XYLB: variants seen among roughly 807,000 people sequenced by gnomAD.
XYLB encodes the protein xylulokinase, also known as xylulose kinase.
In XYLB, 62 loss-of-function variants were observed where a neutral mutation model predicts 78.7. The ratio of observed to expected loss-of-function variants is 0.79; its 90% CI spans 0.64 to 0.97. The LOEUF is 0.97. XYLB is among the 50% of genes least tolerant of loss of function. XYLB has a pLI of 0.00. For missense variants in XYLB, 687 were observed against 676.8 expected (o/e 1.02, Z -0.17); for synonymous variants, 245 against 247.4 (o/e 0.99, Z 0.09).
chr3:38,387,537 A>AT (rs1553657843), intron 15 of XYLB, among the ~76,000 whole-genome samples: 5 of 150,572 alleles, frequency 3.3e-5, no homozygotes, highest in Admixed American at 2.6e-4. Context: ...CATCTGGCTA[A>AT]TTTTTTGTAT....
At chr3:38,347,675 C>CAA (rs781130225) in intron 1 of XYLB, among the ~76,000 whole-genome samples, 32 of 138,022 alleles carry the variant, frequency 2.3e-4, no homozygotes, top group African/African-American at 8.3e-4. Flanking sequence ...GACCCTGTCT[C>CAA]AAAAAAAAAA....
At chr3:38,388,795 T>G (rs914839926) in intron 15 of XYLB, among the ~76,000 whole-genome samples, 7 of 152,208 alleles carry the variant, frequency 4.6e-5, no homozygotes, top group African/African-American at 1.7e-4. Flanking sequence ...ATTCTTTTAA[T>G]TAGGGCTTAA....
chr3:38,444,801 CCCCCA>C, the XYLB span, among the ~76,000 whole-genome samples: 1 of 152,070 alleles, frequency 6.6e-6, no homozygotes, highest in African/African-American at 2.4e-5. Flanking sequence ...TGCCCATGCC[CCCCCA>C]CCCCTGGCCT....
At position 38,365,218 on chromosome 3, in the gene XYLB, G is replaced by A. The variant is rs762298727; in HGVS notation, c.311G>A (p.Trp104Ter). Residue 104 changes from tryptophan (W) to a stop codon, truncating the protein, a stop_gained, in exon 5 of 19, where the codon TGG (tryptophan) becomes TAG (stop). Transcript: ENST00000207870. LOFTEE classifies it high-confidence loss of function. The stretch of plus-strand genomic sequence containing the variant: ...CAACAGCAACACGGAAGTATATACT[G>A]GAAGGCTGGAGCCCAGCAGGCACTG... ...GAGQQHGSIY[W>*]KAGAQQALTS... is the part of the protein sequence containing the mutation. The A allele has an allele frequency of 6.2e-7, 1 of 1,614,234 alleles. No homozygotes were observed. Among genetic ancestry groups the A allele is most frequent in the Non-Finnish European group, 8.5e-7 (1 of 1,180,040 alleles).
At chr3:38,362,894 A>G (rs1346098168) in intron 3 of XYLB, 43 bp from the exon 4 acceptor site, 2 of 1,427,558 alleles carry the variant, frequency 1.4e-6, no homozygotes, top group Non-Finnish European at 1.9e-6. Context: ...TGTCTGATTC[A>G]GTGGTTCTGT....
chr3:38,385,267 G>A (rs536389886), intron 15 of XYLB, among the ~76,000 whole-genome samples: 28 of 152,226 alleles, frequency 1.8e-4, no homozygotes, highest in African/African-American at 6.5e-4. Context: ...CCAAAGTGCT[G>A]GGATTGTAAC....
intron 18 of XYLB, among the ~76,000 whole-genome samples, chr3:38,412,725 T>G (rs1469719502): frequency 6.6e-6 from 1 of 152,178 alleles, no homozygotes; most frequent in Non-Finnish European, 1.5e-5. Context: ...AAAAATTGGT[T>G]TCTTGTCATA....
At chr3:38,406,647 T>C (rs1433242563) in intron 18 of XYLB, among the ~76,000 whole-genome samples, 4 of 151,996 alleles carry the variant, frequency 2.6e-5, no homozygotes, top group African/African-American at 7.3e-5. Context: ...AAAATTTAGA[T>C]GAATGTATAA....
chr3:38,348,747 G>A (rs1559566467), intron 2 of XYLB, 115 bp downstream of exon 2: 4 of 892,310 alleles, frequency 4.5e-6, no homozygotes, highest in South Asian at 4.2e-5. Flanking sequence ...AGGAGTGGTG[G>A]TCTCGGCAGA....
At chr3:38,356,346 T>C (rs76160167) in intron 2 of XYLB, 3,547 of 152,916 alleles carry the variant, frequency 0.023, 138 homozygotes, top group African/African-American at 0.08. Flanking sequence ...ATTTGATGGT[T>C]TTAGTATATT....
chr3:38,388,249 G>A (rs940730989), intron 15 of XYLB, among the ~76,000 whole-genome samples: 17 of 150,270 alleles, frequency 1.1e-4, no homozygotes, highest in African/African-American at 3.7e-4. Context: ...GCTGGGTTGC[G>A]GAGATGTCGG....
At chr3:38,377,943 G>T (rs1005943791) in intron 14 of XYLB, among the ~76,000 whole-genome samples, 4 of 152,164 alleles carry the variant, frequency 2.6e-5, no homozygotes, top group African/African-American at 9.7e-5. Flanking sequence ...GGATTTAGTT[G>T]GTTCTTGCTC....
chr3:38,351,261 G>A (rs148849288), intron 2 of XYLB, among the ~76,000 whole-genome samples: 8 of 145,358 alleles, frequency 5.5e-5, no homozygotes, highest in African/African-American at 1.8e-4. Context: ...TTGATTTCTA[G>A]TTTAATTTCA....
chr3:38,379,738 C>T (rs1707056174), intron 15 of XYLB, among the ~76,000 whole-genome samples: 1 of 152,196 alleles, frequency 6.6e-6, no homozygotes, highest in Non-Finnish European at 1.5e-5. Context: ...GGCCAGGTCC[C>T]ATTGCCTGTG....
At position 38,412,847 on chromosome 3, in the gene XYLB, G is replaced by T. The variant is rs946827455; in HGVS notation, c.1534-89G>T. 4 of 1,131,528 alleles carry T rather than the reference G, an allele frequency of 3.5e-6. No homozygotes were observed. In the Admixed American group the frequency reaches 1.0e-4, roughly 29 times the overall value. 70.1% of individuals were successfully genotyped at this position (1,131,528 alleles called of 1,614,324 possible). ...AAAAAAAGTTAAATTGCAAGTAAAC[G>T]GGATTTAAAAATTTTAAATTGCAAA... On this transcript the variant is annotated intron_variant, in intron 18 of 18. Coordinates refer to ENST00000207870, the MANE Select transcript of XYLB (RefSeq NM_005108.4).
At position 38,353,424 on chromosome 3, in the gene XYLB, G is replaced by A. The variant is rs368347004; in HGVS notation, c.140+4792G>A. 6.1e-4 allele frequency among the ~76,000 whole-genome samples: 93 copies of A among 152,084 alleles called. 3 individuals carry two copies. The South Asian group carries it at 0.018, about 30-fold the overall frequency. ...GGGCTCAAGCAATCCTCCCTCCTTA[G>A]CCTCCCAAGTAGCTGGAACCACAGG... On this transcript the variant is annotated intron_variant, in intron 2 of 18. Transcript: ENST00000207870.
chr3:38,373,054 T>C (rs1447016390), intron 10 of XYLB, among the ~76,000 whole-genome samples: 2 of 152,152 alleles, frequency 1.3e-5, no homozygotes, highest in Non-Finnish European at 2.9e-5. Context: ...GCCCACCCCA[T>C]CCCTAACCTG....
At chr3:38,435,887 C>A in the XYLB span, among the ~76,000 whole-genome samples, 52 of 152,092 alleles carry the variant, frequency 3.4e-4, no homozygotes, top group South Asian at 8.3e-4. Flanking sequence ...AAAAAAAATT[C>A]TTTAAGGAAA....
At chr3:38,382,216 C>G (rs1707181918) in intron 15 of XYLB, among the ~76,000 whole-genome samples, 1 of 152,160 alleles carries the variant, frequency 6.6e-6, no homozygotes. Flanking sequence ...CGTGGTGGCA[C>G]ATGCCTGTAG....
Sources: allele counts gnomAD v4.1 joint callset (sites outside exome capture counted in the v4.1 genomes callset), GRCh38; gene constraint gnomAD v4.1.1; transcripts MANE v1.5; gene names NCBI Gene and HGNC (gene_info 2026-07-23, HGNC 2026-07-21).